Variants in NFIA observed in about 807,000 individuals in gnomAD.
NFIA encodes the protein nuclear factor 1 A-type.
NFIA carries 8 observed loss-of-function variants against 62.8 expected under a neutral mutation model. The observed-to-expected ratio is 0.13, with a 90% CI of 0.07 to 0.23. NFIA has a LOEUF of 0.23. Among genes scored for constraint, NFIA ranks in the 10% least tolerant of loss-of-function variants. The pLI is 1.00. For missense variants in NFIA, 410 were observed against 642.1 expected (o/e 0.64, Z 3.91); for synonymous variants, 235 against 238.1 (o/e 0.99, Z 0.12).
At chr1:61,082,032 C>T (rs1570105975), upstream of NFIA, 8 of 1,548,538 alleles carry the variant, frequency 5.2e-6, no homozygotes, top group Non-Finnish European at 7.0e-6. Flanking sequence ...CAAAGTTGCC[C>T]AAGTCCTCCA....
chr1:61,373,009 C>T (rs1040277686), intron 6 of NFIA, among the ~76,000 whole-genome samples: 1 of 152,116 alleles, frequency 6.6e-6, no homozygotes, highest in African/African-American at 2.4e-5. Flanking sequence ...TAAGCACTAC[C>T]TTTAAAAAAA....
rs7532823 is a variant in NFIA at position 61,377,292 on chromosome 1, C to A, written c.947-5945C>A. On this transcript the variant is annotated intron_variant, in intron 6 of 10. Transcript: ENST00000403491. ...TTATAAGTACATGGCACATAGTGGG[C>A]ACTTCATAATTTGTAGCTTTTATTA... Among the ~76,000 whole-genome samples the A allele has an allele frequency of 6.1e-3, 930 of 151,856 alleles. 10 individuals carry two copies. The highest frequency in any genetic ancestry group is 0.039 in the East Asian group (203 of 5,148).
At position 61,088,121 on chromosome 1, in the gene NFIA, A is replaced by T; in HGVS notation, c.28-28A>T. The T allele has an allele frequency of 6.4e-7, 1 of 1,559,954 alleles. No individual in the cohort carries two copies. The highest frequency in any genetic ancestry group is 8.6e-7 in the Non-Finnish European group (1 of 1,157,912). ...GTTTTCTTTTGTTTTCATTCTACTT[A>T]TATTTTTCTTTTTGTTCATTTTCCT... On this transcript the variant is annotated intron_variant, in intron 1 of 10. Coordinates refer to ENST00000403491, the MANE Select transcript of NFIA (RefSeq NM_001134673.4). This position sits in a 1 kb window ranked among gnomAD's most constrained non-coding sequence, Gnocchi z 4.5.
chr1:61,323,114 A>C (rs1056110212), intron 3 of NFIA, among the ~76,000 whole-genome samples: 12 of 152,210 alleles, frequency 7.9e-5, no homozygotes, highest in Admixed American at 6.5e-4. Flanking sequence ...TACTTCTCAA[A>C]CCTCTTTTTG....
chr1:61,206,488 T>A (rs1235794100), intron 2 of NFIA, among the ~76,000 whole-genome samples: 4 of 152,208 alleles, frequency 2.6e-5, no homozygotes, highest in African/African-American at 9.6e-5. Context: ...TCCATGGGCT[T>A]TAGACTGAAA....
At chr1:61,209,852 C>CA (rs894468019) in intron 2 of NFIA, among the ~76,000 whole-genome samples, 315 of 147,330 alleles carry the variant, frequency 2.1e-3, no homozygotes, top group African/African-American at 7.2e-3. Flanking sequence ...GACTCTGTCT[C>CA]AAAAAAAAAA....
chr1:61,439,189 A>G (rs1667468317), intron 10 of NFIA, among the ~76,000 whole-genome samples: 1 of 150,790 alleles, frequency 6.6e-6, no homozygotes, highest in Admixed American at 6.6e-5. Context: ...AGTGTAGATA[A>G]TGGTGTATCA....
intron 2 of NFIA, among the ~76,000 whole-genome samples, chr1:61,184,604 C>G (rs1173085868): frequency 6.6e-6 from 1 of 152,358 alleles, no homozygotes; most frequent in South Asian, 2.1e-4. Context: ...TGCTGAGAAA[C>G]TGGTGGACCG....
At chr1:61,252,851 C>T (rs1419084354) in intron 2 of NFIA, among the ~76,000 whole-genome samples, 1 of 152,170 alleles carries the variant, frequency 6.6e-6, no homozygotes, top group Non-Finnish European at 1.5e-5. Context: ...CAACAACTGG[C>T]CCTAACAGTA....
chr1:61,118,191 C>A (rs983944597), intron 2 of NFIA, among the ~76,000 whole-genome samples: 426 of 130,864 alleles, frequency 3.3e-3, no homozygotes, highest in East Asian at 8.4e-3. Flanking sequence ...TCTCAAAGAA[C>A]AAAAAAAAAA....
intron 2 of NFIA, among the ~76,000 whole-genome samples, chr1:61,158,754 G>A (rs1648980427): frequency 6.6e-6 from 1 of 152,114 alleles, no homozygotes; most frequent in African/African-American, 2.4e-5. Context: ...AGAGAAATTG[G>A]TCTGTATAAC....
At chr1:61,254,549 T>C (rs1656254323) in intron 2 of NFIA, among the ~76,000 whole-genome samples, 1 of 152,188 alleles carries the variant, frequency 6.6e-6, no homozygotes, top group African/African-American at 2.4e-5. Flanking sequence ...GCAAGATTAG[T>C]ACATAGAACA....
At chr1:61,347,202 C>T (rs1309111154) in intron 4 of NFIA, among the ~76,000 whole-genome samples, 7 of 102,512 alleles carry the variant, frequency 6.8e-5, no homozygotes, top group East Asian at 3.4e-4. Context: ...GAGATGGAGT[C>T]TTGCTCTGTC....
At chr1:61,198,203 A>AT (rs1304246394) in intron 2 of NFIA, among the ~76,000 whole-genome samples, 2 of 152,232 alleles carry the variant, frequency 1.3e-5, no homozygotes, top group African/African-American at 4.8e-5. Flanking sequence ...CAGAAAAAAA[A>AT]TTCTGGGAGA....
chr1:61,235,833 GA>G, intron 2 of NFIA, among the ~76,000 whole-genome samples: 1 of 150,942 alleles, frequency 6.6e-6, no homozygotes, highest in African/African-American at 2.4e-5. Context: ...AAAAGAAAAA[GA>G]AAAAGAAAGA....
chr1:61,116,133 A>G (rs559054489), intron 2 of NFIA, among the ~76,000 whole-genome samples: 1 of 152,176 alleles, frequency 6.6e-6, no homozygotes, highest in South Asian at 2.1e-4. Context: ...ACAAAGTTAA[A>G]TGGTATAAAA....
intron 2 of NFIA, among the ~76,000 whole-genome samples, chr1:61,230,824 T>C (rs138719009): frequency 1.5e-3 from 225 of 152,352 alleles, no homozygotes; most frequent in Non-Finnish European, 2.8e-3. Context: ...GCCTCAGTAC[T>C]GCAGTGTCAG....
intron 2 of NFIA, among the ~76,000 whole-genome samples, chr1:61,265,401 T>G (rs1657095569): frequency 6.6e-6 from 1 of 152,218 alleles, no homozygotes; most frequent in African/African-American, 2.4e-5. Flanking sequence ...TTAAATAATT[T>G]TATCTCTCAT....
intron 7 of NFIA, among the ~76,000 whole-genome samples, chr1:61,398,214 C>T (rs1404318877): frequency 6.6e-6 from 1 of 152,192 alleles, no homozygotes; most frequent in Non-Finnish European, 1.5e-5. Context: ...GCAGTTGCAA[C>T]AGAGACCATA....
Sources: gnomAD v4.1 joint callset for allele counts (sites outside exome capture counted in the v4.1 genomes callset) on GRCh38, gnomAD v4.1.1 for gene constraint, Gnocchi (gnomAD v3.1) non-coding constraint, MANE v1.5 for transcripts, NCBI Gene and HGNC (gene_info 2026-07-23, HGNC 2026-07-21) for gene names.